Variants in EEFSEC observed in about 807,000 individuals in gnomAD.
EEFSEC encodes selenocysteine-specific elongation factor.
EEFSEC carries 43 observed loss-of-function variants against 42.1 expected under a neutral mutation model. The ratio of observed to expected loss-of-function variants is 1.02; its 90% CI spans 0.80 to 1.32. The LOEUF is 1.32. EEFSEC is among the 40% of genes most tolerant of loss of function. The pLI is 0.00. For synonymous variants in EEFSEC, 354 were observed against 339.1 expected (o/e 1.04, Z -0.48); for missense variants, 745 against 803.6 (o/e 0.93, Z 0.88).
chr3:128,310,332 G>C (rs568944558), intron 4 of EEFSEC, among the ~76,000 whole-genome samples: 1 of 152,254 alleles, frequency 6.6e-6, no homozygotes, highest in Admixed American at 6.5e-5. Context: ...AACCATCTCC[G>C]CATCTTTCAG....
chr3:128,416,782 G>A, the EEFSEC span, among the ~76,000 whole-genome samples: 1 of 152,276 alleles, frequency 6.6e-6, no homozygotes, highest in East Asian at 1.9e-4. Flanking sequence ...GAGGTCCACA[G>A]CACAAAGGGG....
At chr3:128,162,334 C>A (rs1431075877) in intron 1 of EEFSEC, among the ~76,000 whole-genome samples, 1 of 152,250 alleles carries the variant, frequency 6.6e-6, no homozygotes, top group African/African-American at 2.4e-5. Flanking sequence ...TGCTTGCCTT[C>A]ACTTGCTTCA....
intron 2 of EEFSEC, among the ~76,000 whole-genome samples, chr3:128,251,929 T>C (rs2066191225): frequency 1.3e-5 from 2 of 152,260 alleles, no homozygotes; most frequent in African/African-American, 4.8e-5. Context: ...ATCTTCTCAA[T>C]GCATCAAATT....
chr3:128,382,803 GAA>G (rs911965592), intron 6 of EEFSEC, among the ~76,000 whole-genome samples: 1 of 150,200 alleles, frequency 6.7e-6, no homozygotes, highest in Non-Finnish European at 1.5e-5. Context: ...GGATGAGCCC[GAA>G]AAAAAAAGAG....
intron 6 of EEFSEC, chr3:128,362,394 AGGACAGAAAAGGGCACAC>A: frequency 2.4e-6 from 1 of 409,200 alleles, no homozygotes. Context: ...CATTTACTCT[AGGACAGAAAAGGGCACAC>A]ATGTGCCCGT....
At chr3:128,212,924 G>A (rs1260766701) in intron 1 of EEFSEC, among the ~76,000 whole-genome samples, 2 of 152,200 alleles carry the variant, frequency 1.3e-5, no homozygotes, top group Admixed American at 1.3e-4. Context: ...CTGCCTTCCT[G>A]GGAGCATGGC....
intron 1 of EEFSEC, among the ~76,000 whole-genome samples, chr3:128,220,283 CTT>C (rs2065849280): frequency 6.6e-6 from 1 of 152,212 alleles, no homozygotes; most frequent in Non-Finnish European, 1.5e-5. Context: ...GAATTGAACA[CTT>C]TGCTTCTCTA....
At chr3:128,221,324 G>C (rs1367297320) in intron 1 of EEFSEC, among the ~76,000 whole-genome samples, 1 of 152,236 alleles carries the variant, frequency 6.6e-6, no homozygotes, top group Non-Finnish European at 1.5e-5. Context: ...AAGCCAGTTA[G>C]TTCCAGGGGT....
intron 4 of EEFSEC, among the ~76,000 whole-genome samples, chr3:128,297,657 G>C (rs1042240816): frequency 6.6e-6 from 1 of 152,208 alleles, no homozygotes; most frequent in African/African-American, 2.4e-5. Context: ...GCAGAGCTTT[G>C]AGTCTTGTGC....
Position 128,374,587 on chromosome 3 carries a change from T to A in EEFSEC, c.1600+16214T>A, listed in dbSNP as rs186475578. On this transcript the variant is annotated intron_variant, in intron 6 of 6. Coordinates refer to ENST00000254730, the MANE Select transcript of EEFSEC (RefSeq NM_021937.5). ...GTTCCTGGCACTAATTGTGGCTCAA[T>A]AAAGGCACACTGAATAAAAGAATGC... is the stretch of plus-strand genomic sequence containing the variant. Among the ~76,000 whole-genome samples, 14 of 152,188 alleles carry A rather than the reference T, an allele frequency of 9.2e-5. 1 individual carries two copies. The highest frequency in any genetic ancestry group is 8.5e-4 in the Admixed American group (13 of 15,300).
At chr3:128,223,841 A>G (rs1288745521) in intron 1 of EEFSEC, among the ~76,000 whole-genome samples, 1 of 152,074 alleles carries the variant, frequency 6.6e-6, no homozygotes, top group Non-Finnish European at 1.5e-5. Flanking sequence ...GAAAACAGGA[A>G]AAGAAGAAAT....
chr3:128,164,834 T>C (rs1473205149), intron 1 of EEFSEC, among the ~76,000 whole-genome samples: 1 of 151,980 alleles, frequency 6.6e-6, no homozygotes, highest in Non-Finnish European at 1.5e-5. Flanking sequence ...TCTGGTGGCT[T>C]TTAGTGAGCT....
chr3:128,299,378 A>T (rs2066742277), intron 4 of EEFSEC, among the ~76,000 whole-genome samples: 1 of 152,130 alleles, frequency 6.6e-6, no homozygotes, highest in African/African-American at 2.4e-5. Flanking sequence ...CTTTAGAGAA[A>T]TTTATTCAGG....
At chr3:128,418,606 C>G in the EEFSEC span, among the ~76,000 whole-genome samples, 2,864 of 151,768 alleles carry the variant, frequency 0.019, 95 homozygotes, top group African/African-American at 0.064. Context: ...TCCCTGCCCC[C>G]ACTCTGCCCA....
At chr3:128,321,073 G>A (rs1229908395) in intron 4 of EEFSEC, among the ~76,000 whole-genome samples, 1 of 152,232 alleles carries the variant, frequency 6.6e-6, no homozygotes, top group African/African-American at 2.4e-5. Context: ...ACAAATATGT[G>A]TGGGAGGCCC....
intron 1 of EEFSEC, among the ~76,000 whole-genome samples, chr3:128,173,940 A>G (rs1156798609): frequency 6.6e-6 from 1 of 152,196 alleles, no homozygotes; most frequent in Non-Finnish European, 1.5e-5. Flanking sequence ...TTGGCCTGCC[A>G]CGTGGATGGC....
intron 5 of EEFSEC, among the ~76,000 whole-genome samples, chr3:128,347,806 G>C (rs1247527604): frequency 6.6e-6 from 1 of 152,128 alleles, no homozygotes; most frequent in Admixed American, 6.5e-5. Flanking sequence ...CCTAGGGACA[G>C]CTTGATAAAA....
At chr3:128,214,457 T>C (rs965164306) in intron 1 of EEFSEC, among the ~76,000 whole-genome samples, 1 of 152,242 alleles carries the variant, frequency 6.6e-6, no homozygotes, top group Non-Finnish European at 1.5e-5. Context: ...TTTAATTTTG[T>C]ATTATAATTT....
intron 5 of EEFSEC, among the ~76,000 whole-genome samples, chr3:128,355,985 C>G (rs1415447265): frequency 1.3e-5 from 2 of 152,176 alleles, no homozygotes; most frequent in Non-Finnish European, 2.9e-5. Context: ...CAGGGCCAGG[C>G]CCTGCTGGGC....
Sources: gnomAD v4.1 joint callset for allele counts (sites outside exome capture counted in the v4.1 genomes callset) on GRCh38, gnomAD v4.1.1 for gene constraint, MANE v1.5 for transcripts, NCBI Gene and HGNC (gene_info 2026-07-23, HGNC 2026-07-21) for gene names.